Variants in RFC5 observed in about 807,000 individuals in gnomAD.
RFC5 encodes the protein replication factor C subunit 5, also known as A1 36 kDa subunit.
In RFC5, 26 loss-of-function variants were observed where a neutral mutation model predicts 44.3. The observed-to-expected ratio is 0.59, with a 90% CI of 0.43 to 0.81. The LOEUF (loss-of-function observed/expected upper bound fraction) is 0.81. Among genes scored for constraint, RFC5 ranks in the 40% least tolerant of loss-of-function variants. RFC5 has a pLI of 0.00. For missense variants in RFC5, 328 were observed against 418.6 expected, an observed-to-expected ratio of 0.78 and a Z score of 1.89; for synonymous variants, 155 against 155.2, an observed-to-expected ratio of 1.00 and a Z score of 0.01.
At chr12:118,036,196 C>T (rs945216466), downstream of RFC5, 18 of 998,718 alleles carry the variant, frequency 1.8e-5, no homozygotes, top group South Asian at 5.1e-5. Context: ...AGCGAGACTC[C>T]GTCTCAAAAG....
At chr12:118,040,764 T>C in the RFC5 span, among the ~76,000 whole-genome samples, 1 of 148,406 alleles carries the variant, frequency 6.7e-6, no homozygotes, top group African/African-American at 2.5e-5. Flanking sequence ...CCACCTAGAG[T>C]AGGCCAGGCG....
chr12:118,037,281 T>C (rs1382457630), downstream of RFC5, among the ~76,000 whole-genome samples: 2 of 152,184 alleles, frequency 1.3e-5, no homozygotes, highest in Non-Finnish European at 2.9e-5. Flanking sequence ...TATGGAACCA[T>C]GGAAATCTGT....
At chr12:118,021,957 C>CA (rs1406957292) in intron 4 of RFC5, among the ~76,000 whole-genome samples, 2 of 150,572 alleles carry the variant, frequency 1.3e-5, no homozygotes, top group South Asian at 4.2e-4. Context: ...AACTTAGTCT[C>CA]AAAAAAAGCA....
rs1371088010 is a variant in RFC5 at position 118,027,593 on chromosome 12, A to G, written c.794-360A>G. ...AGGCTGAGGCATGAGAATTGCTTGA[A>G]CCCGGGAGGCAGAGGTTGCAGTGAG... On this transcript the variant is annotated intron_variant, in intron 8 of 10. Coordinates refer to ENST00000454402, the MANE Select transcript of RFC5 (RefSeq NM_007370.7). Among the ~76,000 whole-genome samples the G allele has an allele frequency of 4.6e-5, 7 of 151,348 alleles. No individual in the cohort carries two copies. The East Asian group carries it at 7.8e-4, about 17-fold the overall frequency.
At chr12:118,017,724 G>A (rs1188185555) in intron 1 of RFC5, 2 of 703,846 alleles carry the variant, frequency 2.8e-6, no homozygotes, top group Non-Finnish European at 2.3e-6. Context: ...ATGCTGGAGC[G>A]CAGTGGTGTG....
At chr12:118,028,908 C>T (rs184076424) in intron 9 of RFC5, among the ~76,000 whole-genome samples, 1 of 152,150 alleles carries the variant, frequency 6.6e-6, no homozygotes, top group Non-Finnish European at 1.5e-5. Flanking sequence ...TGTAGGCTTT[C>T]GGAGAAGCTC....
chr12:118,035,177 T>C, downstream of RFC5: 1 of 1,613,540 alleles, frequency 6.2e-7, no homozygotes, highest in African/African-American at 1.3e-5. Flanking sequence ...TGCAAGCACT[T>C]GTTCTGAGGC....
intron 1 of RFC5, chr12:118,017,677 T>A: frequency 1.2e-6 from 1 of 817,480 alleles, no homozygotes. Flanking sequence ...ATTTACGTAT[T>A]TTTTTTTTTT....
chr12:118,038,521 C>A, the RFC5 span: 1 of 682,862 alleles, frequency 1.5e-6, no homozygotes. Flanking sequence ...CCCAAGGGTC[C>A]AATTTTTAAT....
the RFC5 span, among the ~76,000 whole-genome samples, chr12:118,039,601 G>A: frequency 6.6e-6 from 1 of 152,226 alleles, no homozygotes; most frequent in Admixed American, 6.5e-5. Context: ...ACAGCAGGGA[G>A]GGCAAGAGAG....
intron 7 of RFC5, among the ~76,000 whole-genome samples, chr12:118,026,464 C>T (rs571833946): frequency 1.1e-4 from 17 of 152,088 alleles, no homozygotes; most frequent in Non-Finnish European, 2.5e-4. Context: ...CCAGGTGTGG[C>T]GGTGCACACC....
Position 118,025,791 on chromosome 12 carries a change from C to T in RFC5, c.626C>T (p.Ser209Phe). The T allele has an allele frequency of 3.1e-6, 5 of 1,609,380 alleles. No homozygotes were observed. The highest frequency in any genetic ancestry group is 4.2e-6 in the Non-Finnish European group (5 of 1,177,354). Residue 209 changes from serine (S) to phenylalanine (F), a missense_variant, in exon 7 of 11, where the codon TCC becomes TTC. Physicochemically the swap from Ser to Phe is radical, Grantham distance 155. Coordinates refer to ENST00000454402, the MANE Select transcript of RFC5 (RefSeq NM_007370.7). ...EDGMKALVTL[S>F]SGDMRRALNI... ...GGAATGAAAGCACTAGTCACTCTTT[C>T]CAGTGGAGACATGCGTAGGGCTCTG... is the stretch of plus-strand genomic sequence containing the variant.
downstream of RFC5, among the ~76,000 whole-genome samples, chr12:118,037,529 G>A (rs764978984): frequency 3.3e-5 from 5 of 151,772 alleles, no homozygotes; most frequent in Non-Finnish European, 5.9e-5. Flanking sequence ...TTAGCCAGGC[G>A]TGGTGTAGCA....
intron 3 of RFC5, among the ~76,000 whole-genome samples, chr12:118,020,124 T>C (rs918119437): frequency 1.1e-4 from 16 of 152,230 alleles, no homozygotes; most frequent in African/African-American, 3.6e-4. Context: ...CTACTGACTA[T>C]AAGCTCACTT....
In RFC5 at chr12:118,027,185, T is replaced by G. The variant is rs569569989; in HGVS notation, c.793+167T>G. The G allele has an allele frequency of 1.4e-4, 92 of 650,130 alleles. 2 individuals are homozygous for G. The South Asian group carries it at 1.6e-3, about 12-fold the overall frequency. 40.3% of individuals were successfully genotyped at this position (650,130 alleles called of 1,614,324 possible). On this transcript the variant is annotated intron_variant, in intron 8 of 10. Coordinates refer to ENST00000454402, the MANE Select transcript of RFC5 (RefSeq NM_007370.7). ...CTGTAGGTGGAGTGGGTACTTGTCT[T>G]TAGCACTCCAGAGTTCTTCTTGGAG...
At chr12:118,038,234 C>G in the RFC5 span, 2 of 1,537,884 alleles carry the variant, frequency 1.3e-6, no homozygotes, top group Admixed American at 3.9e-5. Flanking sequence ...CACCAGGCCA[C>G]CACTTCAGAC....
At chr12:118,034,574 G>GCTCTCTCTCTCTCTCTCTCTCTCTCT (rs368693869), downstream of RFC5, 8,949 of 526,806 alleles carry the variant, frequency 0.017, 124 homozygotes, top group Non-Finnish European at 0.02. Flanking sequence ...ATACCAAAGC[G>GCTCTCTCTCTCTCTCTCTCTCTCTCT]CTCTCTCTGT....
Position 118,017,760 on chromosome 12 carries a change from A to T in RFC5, c.65+868A>T, listed in dbSNP as rs141374603. 796 of 657,944 alleles carry T rather than the reference A, an allele frequency of 1.2e-3. 13 individuals are homozygous for T. The East Asian group carries it at 0.023, about 19-fold the overall frequency. The allele number at this position is 657,944 out of a possible 1,614,324, so 40.8% of individuals were successfully genotyped here. On this transcript the variant is annotated intron_variant, in intron 1 of 10. Transcript: ENST00000454402. ...ATCACAGCTCAGTGTAACCTCAAAC[A>T]TTGGGGTTCAAGCCATTCTCCTGCC... is the stretch of plus-strand genomic sequence containing the variant.
intron 5 of RFC5, among the ~76,000 whole-genome samples, chr12:118,024,075 G>A (rs1181168181): frequency 6.6e-6 from 1 of 152,018 alleles, no homozygotes; most frequent in African/African-American, 2.4e-5. Context: ...AATTGGCCTG[G>A]CACAGTGGCT....
Sources: allele counts gnomAD v4.1 joint callset (sites outside exome capture counted in the v4.1 genomes callset), GRCh38; gene constraint gnomAD v4.1.1; transcripts MANE v1.5; gene names NCBI Gene and HGNC (gene_info 2026-07-23, HGNC 2026-07-21).